Variants in CROT observed in about 807,000 individuals in gnomAD.
The protein encoded by CROT is carnitine O-octanoyltransferase.
In CROT, 84 loss-of-function variants were observed where a neutral mutation model predicts 89.2. The ratio of observed to expected loss-of-function variants is 0.94; its 90% CI spans 0.79 to 1.13. CROT has a LOEUF of 1.13. CROT is among the 50% of genes most tolerant of loss of function. The pLI is 0.00. For missense variants in CROT, 711 were observed against 727.8 expected (o/e 0.98, Z 0.27); for synonymous variants, 212 against 239.5 (o/e 0.89, Z 1.06).
chr7:87,383,497 CTTTT>C (rs35655724), intron 13 of CROT, among the ~76,000 whole-genome samples: 9 of 130,430 alleles, frequency 6.9e-5, no homozygotes, highest in Non-Finnish European at 1.0e-4. Flanking sequence ...ATGTATATCA[CTTTT>C]TTTTTTTTTT....
At chr7:87,377,881 T>C (rs917668364) in intron 10 of CROT, among the ~76,000 whole-genome samples, 1 of 152,202 alleles carries the variant, frequency 6.6e-6, no homozygotes, top group Admixed American at 6.5e-5. Flanking sequence ...GAACACTATT[T>C]AGGCTGTGGA....
At chr7:87,356,037 G>T (rs1051114222) in intron 3 of CROT, among the ~76,000 whole-genome samples, 2 of 152,108 alleles carry the variant, frequency 1.3e-5, no homozygotes, top group African/African-American at 4.8e-5. Context: ...CTGGAGTGCA[G>T]TGGTGTAGTC....
chr7:87,361,299 G>T, intron 4 of CROT, 91 bp from the exon 5 acceptor site: 1 of 1,257,438 alleles, frequency 8.0e-7, no homozygotes, highest in Non-Finnish European at 1.1e-6. Flanking sequence ...AATAATTAAA[G>T]AACAAATATA....
At position 87,392,807 on chromosome 7, in the gene CROT, C is replaced by T. The variant is rs755005461; in HGVS notation, c.1582C>T (p.Pro528Ser). Residue 528 changes from proline to serine, a missense_variant, in exon 16 of 18, where the codon CCA becomes TCA. Coordinates refer to ENST00000331536, the MANE Select transcript of CROT (RefSeq NM_021151.4). ...TCCTGTTCCAGAACTCTTTACGGAC[C>T]CACTTTTTTCCAAAAGGTAATATAG... The part of the protein sequence containing the change: ...GLPVPELFTD[P>S]LFSKSGGGGN... The T allele has an allele frequency of 6.2e-7, 1 of 1,613,400 alleles. No homozygotes were observed. Among genetic ancestry groups the T allele is most frequent in the Non-Finnish European group, 8.5e-7 (1 of 1,179,586 alleles).
rs31633 is a variant in CROT at position 87,383,106 on chromosome 7, G to A, written c.1301+563G>A. ...TGCCTCAACCATTTATTACGTCTTC[G>A]TGTGGGGAATGTTCCAAGTCTTCTC... On this transcript the variant is annotated intron_variant, in intron 13 of 17. Transcript: ENST00000331536. Among the ~76,000 whole-genome samples the A allele has an allele frequency of 8.6e-3, 1,316 of 152,200 alleles. 32 individuals carry two copies. The highest frequency in any genetic ancestry group is 0.03 in the African/African-American group (1,241 of 41,530).
chr7:87,347,752 T>C (rs751320593), intron 2 of CROT, among the ~76,000 whole-genome samples: 5 of 152,214 alleles, frequency 3.3e-5, no homozygotes, highest in Non-Finnish European at 7.3e-5. Context: ...AGGGAGATTC[T>C]GCAATCCTGC....
intron 17 of CROT, chr7:87,398,168 G>T: frequency 3.3e-5 from 11 of 332,498 alleles, no homozygotes; most frequent in South Asian, 7.6e-5. Context: ...ATTAAAAACT[G>T]TAGCATGAAT....
intron 13 of CROT, 119 bp from the exon 14 acceptor site, chr7:87,391,470 C>A: frequency 3.3e-6 from 3 of 911,650 alleles, no homozygotes; most frequent in Non-Finnish European, 3.2e-6. Context: ...AAGTCTCCAA[C>A]CTATCTGTGT....
intron 3 of CROT, chr7:87,357,589 A>C (rs748579324): frequency 1.7e-6 from 2 of 1,165,920 alleles, no homozygotes; most frequent in African/African-American, 1.5e-5. Flanking sequence ...AAGGAATTCA[A>C]GGTGAGTTGC....
intron 7 of CROT, among the ~76,000 whole-genome samples, chr7:87,374,887 G>C (rs183985245): frequency 1.6e-4 from 25 of 151,934 alleles, no homozygotes; most frequent in Non-Finnish European, 4.4e-5. Flanking sequence ...ATCCTTGAAA[G>C]CTTTTAAATT....
rs2116193016 is a variant in CROT at position 87,392,822 on chromosome 7, A to C, written c.1597A>C (p.Ser533Arg). The change falls in exon 16 of 18, where the codon AGC becomes CGC. Residue 533 changes from serine (S) to arginine (R), a missense_variant and splice_region_variant. Physicochemically the swap from Ser to Arg is moderately radical, Grantham distance 110. Coordinates refer to ENST00000331536, the MANE Select transcript of CROT (RefSeq NM_021151.4). ...ELFTDPLFSKSGGGGNFVLST... is the reference protein window; with the variant it reads ...ELFTDPLFSKRGGGGNFVLST... ...CTTTACGGACCCACTTTTTTCCAAAAGGTAATATAGTGTAGTGTTTTACAG... is the reference window on the plus strand; with the variant it reads ...CTTTACGGACCCACTTTTTTCCAAACGGTAATATAGTGTAGTGTTTTACAG... 1 of 1,612,724 alleles carries C rather than the reference A, an allele frequency of 6.2e-7. No individual in the cohort carries two copies. The highest frequency in any genetic ancestry group is 2.2e-5 in the East Asian group (1 of 44,854).
At chr7:87,377,902 GCAGTTACTAC>G (rs1806862182) in intron 10 of CROT, among the ~76,000 whole-genome samples, 3 of 152,050 alleles carry the variant, frequency 2.0e-5, no homozygotes, top group Non-Finnish European at 4.4e-5. Context: ...TATTAAAATG[GCAGTTACTAC>G]CATTTTGACC....
Position 87,375,688 on chromosome 7 carries a change from C to A in CROT, c.713C>A (p.Ala238Glu), listed in dbSNP as rs773304654. 2 of 1,613,520 alleles carry A rather than the reference C, an allele frequency of 1.2e-6. No homozygotes were observed. Among genetic ancestry groups the A allele is most frequent in the South Asian group, 2.2e-5 (2 of 91,072 alleles). ...AGTGAACCTGATGGACCTGGGATTG[C>A]AGCATTAACTAGTGAGGAGCGAACT... ...CHSEPDGPGI[A>E]ALTSEERTRW... Residue 238 changes from alanine (A) to glutamate (E), a missense_variant, in exon 8 of 18, where the codon GCA becomes GAA. Coordinates refer to ENST00000331536, the MANE Select transcript of CROT (RefSeq NM_021151.4).
intron 3 of CROT, among the ~76,000 whole-genome samples, chr7:87,356,188 C>T (rs1287210358): frequency 1.3e-5 from 2 of 152,038 alleles, no homozygotes; most frequent in African/African-American, 4.8e-5. Context: ...ACCATGTTGC[C>T]CAGGCTGCCA....
Position 87,345,692 on chromosome 7 carries a change from AGGGGGAGCG to A in CROT, c.-187_-179del. Reference sequence around the variant, plus strand: ...CCAATTCCCGCACCTTTGAGGCCCAAGGGGGAGCGAGCCGGTGCTGCTGCAGGCTGAGGC... The same window carrying A: ...CCAATTCCCGCACCTTTGAGGCCCAAAGCCGGTGCTGCTGCAGGCTGAGGC... On this transcript the variant is annotated 5_prime_UTR_variant, in exon 1 of 18. Transcript: ENST00000331536. 2.7e-6 allele frequency: 1 copy of A among 373,446 alleles called. No individual in the cohort carries two copies. The highest frequency in any genetic ancestry group is 3.8e-5 in the East Asian group (1 of 26,060). 23.1% of individuals were successfully genotyped at this position (373,446 alleles called of 1,614,324 possible).
chr7:87,370,688 A>ATTCCCGTCATCCCTC (rs1472637871), intron 7 of CROT, among the ~76,000 whole-genome samples: 1 of 152,178 alleles, frequency 6.6e-6, no homozygotes, highest in East Asian at 1.9e-4. Flanking sequence ...TACTCCAAAG[A>ATTCCCGTCATCCCTC]TTCCCGTCAT....
At chr7:87,379,473 A>G (rs558123683) in intron 10 of CROT, among the ~76,000 whole-genome samples, 1 of 152,318 alleles carries the variant, frequency 6.6e-6, no homozygotes, top group South Asian at 2.1e-4. Flanking sequence ...TCCGTCCCTC[A>G]TCCCCAAGAC....
intron 3 of CROT, among the ~76,000 whole-genome samples, chr7:87,358,396 G>A (rs1806160602): frequency 6.7e-6 from 1 of 150,034 alleles, no homozygotes; most frequent in Admixed American, 6.6e-5. Flanking sequence ...GCAGGAGAAT[G>A]GTGTGAACCC....
intron 6 of CROT, among the ~76,000 whole-genome samples, chr7:87,364,742 G>A (rs1806385575): frequency 6.6e-6 from 1 of 152,202 alleles, no homozygotes; most frequent in African/African-American, 2.4e-5. Context: ...AGAGGATCAA[G>A]AGCAGAAAGG....
Sources: gnomAD v4.1 joint callset for allele counts (sites outside exome capture counted in the v4.1 genomes callset) on GRCh38, gnomAD v4.1.1 for gene constraint, MANE v1.5 for transcripts, NCBI Gene and HGNC (gene_info 2026-07-23, HGNC 2026-07-21) for gene names.